AOX1: variants seen among roughly 807,000 people sequenced by gnomAD.
AOX1 encodes the protein aldehyde oxidase.
Under a neutral mutation model 169.5 loss-of-function variants are expected in AOX1, and 153 were observed. That is an observed-to-expected ratio of 0.90 (90% CI 0.79 to 1.03). The LOEUF (loss-of-function observed/expected upper bound fraction) is 1.03, where lower values mean the gene tolerates loss of function less well. AOX1 is among the 50% of genes least tolerant of loss of function. The pLI is 0.00. For missense variants in AOX1, 1,656 were observed against 1,663.9 expected, an observed-to-expected ratio of 1.00 and a Z score of 0.08; for synonymous variants, 562 against 581.9, an observed-to-expected ratio of 0.97 and a Z score of 0.49.
chr2:200,626,026 C>A (rs2034995028), intron 19 of AOX1, among the ~76,000 whole-genome samples: 1 of 152,160 alleles, frequency 6.6e-6, no homozygotes. Flanking sequence ...GAATAATAAT[C>A]ATCAACAACA....
intron 1 of AOX1, among the ~76,000 whole-genome samples, chr2:200,590,753 C>T (rs533465971): frequency 6.6e-6 from 1 of 152,282 alleles, no homozygotes; most frequent in African/African-American, 2.4e-5. Flanking sequence ...AACTAGGCTA[C>T]CCAGACCCTG....
At chr2:200,620,959 A>T in intron 17 of AOX1, 140 bp downstream of exon 17, 1 of 1,308,132 alleles carries the variant, frequency 7.6e-7, no homozygotes, top group Non-Finnish European at 1.1e-6. Context: ...CAGGATCGAA[A>T]TGTAGGATTT....
Position 200,637,006 on chromosome 2 carries a change from CG to C in AOX1, c.2444del (p.Gly815GlufsTer29), listed in dbSNP as rs750641589. 1.1e-5 allele frequency: 18 copies of C among 1,613,896 alleles called. No individual in the cohort carries two copies. The highest frequency in any genetic ancestry group is 1.5e-5 in the Non-Finnish European group (18 of 1,179,984). On this transcript the variant is annotated frameshift_variant, in exon 22 of 35. Transcript: ENST00000374700. LOFTEE classifies it high-confidence loss of function. The part of the protein sequence containing the change: ...GAFGGKVLKT[G>X]IIAAVTAFAA... ...CGTTTGGAGGGAAGGTGTTAAAAACCGGAATCATTGCAGCCGTCACTGCATT... is the reference window on the plus strand; with the variant it reads ...CGTTTGGAGGGAAGGTGTTAAAAACCGAATCATTGCAGCCGTCACTGCATT...
At chr2:200,594,512 C>T (rs1415181115) in intron 2 of AOX1, among the ~76,000 whole-genome samples, 1 of 152,206 alleles carries the variant, frequency 6.6e-6, no homozygotes, top group African/African-American at 2.4e-5. Flanking sequence ...CCTCAGCACA[C>T]AGCTTTCTCC....
chr2:200,616,252 G>A (rs564346895), intron 16 of AOX1, among the ~76,000 whole-genome samples, 189 bp downstream of exon 16: 10 of 152,204 alleles, frequency 6.6e-5, no homozygotes, highest in Non-Finnish European at 1.3e-4. Flanking sequence ...GACAAATCTA[G>A]CAGTGGTAAT....
intron 2 of AOX1, 78 bp from the exon 3 acceptor site, chr2:200,595,194 T>G (rs2034255984): frequency 2.0e-6 from 2 of 1,014,988 alleles, no homozygotes; most frequent in Non-Finnish European, 3.0e-6. Flanking sequence ...GTCTGTGATA[T>G]TACTGTCTCC....
chr2:200,659,793 C>CACAT (rs58014699), intron 28 of AOX1, among the ~76,000 whole-genome samples: 8,089 of 94,602 alleles, frequency 0.086, 223 homozygotes, highest in Middle Eastern at 0.14. Flanking sequence ...CTCTCACACA[C>CACAT]ACACACACAC....
chr2:200,615,073 A>G (rs1211789908), intron 15 of AOX1, among the ~76,000 whole-genome samples: 3 of 151,918 alleles, frequency 2.0e-5, no homozygotes, highest in Admixed American at 2.0e-4. Flanking sequence ...GTGTGATATC[A>G]TAGCTCAGTG....
intron 31 of AOX1, among the ~76,000 whole-genome samples, chr2:200,663,596 T>TCTCC (rs141563329): frequency 1.9e-4 from 28 of 148,020 alleles, no homozygotes; most frequent in African/African-American, 3.3e-4. Context: ...TCTCTCTCTC[T>TCTCC]CCCCCTCTTT....
At chr2:200,641,546 A>T (rs1239056631) in intron 24 of AOX1, among the ~76,000 whole-genome samples, 1 of 151,980 alleles carries the variant, frequency 6.6e-6, no homozygotes, top group Non-Finnish European at 1.5e-5. Flanking sequence ...TGTCAGTGGC[A>T]TTACCACCCT....
At chr2:200,599,881 G>A in intron 5 of AOX1, 135 bp downstream of exon 5, 3 of 585,618 alleles carry the variant, frequency 5.1e-6, no homozygotes, top group Non-Finnish European at 7.7e-6. Flanking sequence ...CGCCTCCCAG[G>A]TTCAAGCAAT....
At chr2:200,647,069 T>A (rs1255998007) in intron 25 of AOX1, among the ~76,000 whole-genome samples, 1 of 152,220 alleles carries the variant, frequency 6.6e-6, no homozygotes, top group Non-Finnish European at 1.5e-5. Flanking sequence ...ATATTCAATG[T>A]TAGTATTGAA....
intron 25 of AOX1, among the ~76,000 whole-genome samples, chr2:200,649,364 C>G (rs946970825): frequency 6.6e-6 from 1 of 152,138 alleles, no homozygotes; most frequent in African/African-American, 2.4e-5. Flanking sequence ...CTCCTGCAAA[C>G]AGAATTTCAG....
intron 1 of AOX1, among the ~76,000 whole-genome samples, chr2:200,588,675 C>T (rs1330247117): frequency 3.5e-5 from 5 of 144,684 alleles, no homozygotes; most frequent in African/African-American, 5.2e-5. Context: ...GTGTGTGCTT[C>T]GGTACTTAAT....
intron 25 of AOX1, among the ~76,000 whole-genome samples, chr2:200,650,044 A>T (rs185699610): frequency 4.6e-5 from 7 of 152,222 alleles, no homozygotes; most frequent in Admixed American, 4.6e-4. Context: ...CCCAGGTCCC[A>T]ATTCATCTAC....
intron 17 of AOX1, 31 bp from the exon 18 acceptor site, chr2:200,621,089 T>G (rs758270721): frequency 6.3e-7 from 1 of 1,595,832 alleles, no homozygotes; most frequent in South Asian, 1.1e-5. Flanking sequence ...CTATGGCCAC[T>G]CTAAGGAGCT....
At chr2:200,640,502 A>G (rs187752188) in intron 23 of AOX1, among the ~76,000 whole-genome samples, 34 of 152,344 alleles carry the variant, frequency 2.2e-4, no homozygotes, top group African/African-American at 8.2e-4. Flanking sequence ...AGTGTAAAAT[A>G]AAAGAGAATT....
At chr2:200,649,509 C>T (rs534250971) in intron 25 of AOX1, among the ~76,000 whole-genome samples, 2 of 152,280 alleles carry the variant, frequency 1.3e-5, no homozygotes, top group East Asian at 3.9e-4. Context: ...TGTGGGTCCT[C>T]TCAGGATTAT....
At chr2:200,613,743 A>G in intron 14 of AOX1, 61 bp from the exon 15 acceptor site, 1 of 1,475,556 alleles carries the variant, frequency 6.8e-7, no homozygotes, top group Non-Finnish European at 9.2e-7. Context: ...CTTACCCATT[A>G]GATGAAGATA....
Sources: gnomAD v4.1 joint callset for allele counts (sites outside exome capture counted in the v4.1 genomes callset) on GRCh38, gnomAD v4.1.1 for gene constraint, MANE v1.5 for transcripts, NCBI Gene and HGNC (gene_info 2026-07-23, HGNC 2026-07-21) for gene names.